ARHGAP8: variants seen among roughly 807,000 people sequenced by gnomAD.
The protein encoded by ARHGAP8 is rho GTPase-activating protein 8.
A neutral mutation model predicts 46.1 loss-of-function variants in ARHGAP8; 62 were observed. The ratio of observed to expected loss-of-function variants is 1.34; its 90% CI spans 1.10 to 1.66. ARHGAP8 has a LOEUF of 1.66. Among genes scored for constraint, ARHGAP8 ranks in the 40% most tolerant of loss-of-function variants. The probability of loss-of-function intolerance (pLI) is 0.00; values close to 1 mark genes in which losing one functional copy is unlikely to be tolerated. For synonymous variants in ARHGAP8, 375 were observed against 243.1 expected (o/e 1.54, Z -5.05); for missense variants, 923 against 568.4 (o/e 1.62, Z -6.34).
chr22:44,772,974 A>C (rs1926151922), intron 1 of ARHGAP8, among the ~76,000 whole-genome samples: 1 of 152,040 alleles, frequency 6.6e-6, no homozygotes, highest in Non-Finnish European at 1.5e-5. Context: ...GTGCACTACC[A>C]TGCCCAGCTA....
chr22:44,844,120 C>T (rs1469939871), intron 7 of ARHGAP8, among the ~76,000 whole-genome samples: 3 of 152,006 alleles, frequency 2.0e-5, no homozygotes, highest in Non-Finnish European at 4.4e-5. Context: ...TACAGGCATG[C>T]ATCACCACGC....
chr22:44,777,416 C>A (rs1035110994), intron 1 of ARHGAP8, among the ~76,000 whole-genome samples: 36 of 151,988 alleles, frequency 2.4e-4, no homozygotes, highest in African/African-American at 7.5e-4. Context: ...ATCTCATGAT[C>A]AGAATGTAGT....
At chr22:44,812,793 A>G (rs927926372) in intron 4 of ARHGAP8, among the ~76,000 whole-genome samples, 3 of 152,194 alleles carry the variant, frequency 2.0e-5, no homozygotes, top group Non-Finnish European at 2.9e-5. Flanking sequence ...ATGGCAGCCA[A>G]TGGTGGTCTG....
rs189815566 is a variant in ARHGAP8 at position 44,810,508 on chromosome 22, G to A, written c.299+2070G>A. ...GCCTGCCTTGGCCTCCCAAAGTGCC[G>A]GGATTACAGGCGTGAGCCACTGTGC... On this transcript the variant is annotated intron_variant, in intron 4 of 11. Coordinates refer to ENST00000356099, the MANE Select transcript of ARHGAP8 (RefSeq NM_181335.3). Among the ~76,000 whole-genome samples the A allele has an allele frequency of 5.9e-3, 904 of 152,296 alleles. 6 individuals are homozygous for A. The highest frequency in any genetic ancestry group is 0.021 in the African/African-American group (860 of 41,570).
Position 44,860,550 on chromosome 22 carries a change from C to CAATTT in ARHGAP8, c.981+718_981+719insTTTAA, listed in dbSNP as rs1555924051. On this transcript the variant is annotated intron_variant, in intron 11 of 11. Transcript: ENST00000356099. ...CGGGATGATCTCATCTTGAGATCCT[C>CAATTT]AACGACAGCTGCAACGGCCCTCGTT... is the stretch of plus-strand genomic sequence containing the variant. Among the ~76,000 whole-genome samples the CAATTT allele has an allele frequency of 2.6e-5, 4 of 151,624 alleles. No homozygotes were observed. In the South Asian group the frequency reaches 8.3e-4, roughly 32 times the overall value.
intron 2 of ARHGAP8, among the ~76,000 whole-genome samples, chr22:44,787,491 C>G (rs777830435): frequency 2.6e-5 from 4 of 152,094 alleles, no homozygotes; most frequent in Non-Finnish European, 5.9e-5. Context: ...ATTACAGGCG[C>G]TCACCCCCAC....
intron 2 of ARHGAP8, among the ~76,000 whole-genome samples, chr22:44,791,141 A>G (rs2147058359): frequency 6.6e-6 from 1 of 151,728 alleles, no homozygotes; most frequent in East Asian, 2.0e-4. Flanking sequence ...AAAGAAAACT[A>G]ATTGGAACAA....
intron 1 of ARHGAP8, among the ~76,000 whole-genome samples, chr22:44,772,468 G>C (rs1926110263): frequency 6.6e-6 from 1 of 150,534 alleles, no homozygotes; most frequent in South Asian, 2.1e-4. Context: ...GAGATTACAG[G>C]CATGAGCCAC....
chr22:44,793,644 G>C (rs1927869659), intron 2 of ARHGAP8, among the ~76,000 whole-genome samples: 1 of 152,204 alleles, frequency 6.6e-6, no homozygotes, highest in African/African-American at 2.4e-5. Context: ...CACGCACCCT[G>C]TGGGTAATGG....
chr22:44,818,695 C>T (rs1409180327), intron 5 of ARHGAP8, among the ~76,000 whole-genome samples: 2 of 145,998 alleles, frequency 1.4e-5, no homozygotes, highest in Non-Finnish European at 3.0e-5. Context: ...TTTCTTCCTT[C>T]CTTCCTTTTC....
chr22:44,815,438 ACT>A (rs1929668619), intron 5 of ARHGAP8, among the ~76,000 whole-genome samples: 1 of 150,734 alleles, frequency 6.6e-6, no homozygotes, highest in South Asian at 2.1e-4. Flanking sequence ...GTTGGCACAA[ACT>A]CTGTGGTGTT....
chr22:44,790,618 G>T (rs1185542482), intron 2 of ARHGAP8, among the ~76,000 whole-genome samples: 1 of 139,766 alleles, frequency 7.2e-6, no homozygotes, highest in Non-Finnish European at 1.5e-5. Flanking sequence ...CGAGGTTGCA[G>T]TGAGCCAAGA....
At chr22:44,780,666 TA>T (rs1926779826) in intron 1 of ARHGAP8, among the ~76,000 whole-genome samples, 1 of 151,340 alleles carries the variant, frequency 6.6e-6, no homozygotes, top group African/African-American at 2.5e-5. Context: ...CATCTCAAAA[TA>T]AAATAAAATA....
chr22:44,798,433 G>C (rs906657930), intron 2 of ARHGAP8, among the ~76,000 whole-genome samples: 1 of 152,038 alleles, frequency 6.6e-6, no homozygotes, highest in Non-Finnish European at 1.5e-5. Flanking sequence ...TGAAGCCTAC[G>C]CTAAATCCAG....
At chr22:44,860,881 G>A (rs1048162747) in intron 11 of ARHGAP8, among the ~76,000 whole-genome samples, 4 of 152,186 alleles carry the variant, frequency 2.6e-5, no homozygotes, top group African/African-American at 9.7e-5. Flanking sequence ...AGGAGAGCCT[G>A]AGCAGAGTAG....
intron 8 of ARHGAP8, among the ~76,000 whole-genome samples, chr22:44,846,640 C>T (rs1001387872): frequency 6.6e-6 from 1 of 152,188 alleles, no homozygotes; most frequent in African/African-American, 2.4e-5. Context: ...TTAGGTCCTG[C>T]TTTCCGGAAG....
At chr22:44,845,611 G>A (rs866989460) in intron 8 of ARHGAP8, among the ~76,000 whole-genome samples, 2 of 152,164 alleles carry the variant, frequency 1.3e-5, no homozygotes, top group African/African-American at 4.8e-5. Flanking sequence ...ATAACAAACC[G>A]TACATGACTT....
At position 44,763,799 on chromosome 22, in the gene ARHGAP8, TTTC is replaced by T. The variant is rs758752604; in HGVS notation, c.-72+11175_-72+11177del. ...TTGGTGAGAATGATTTTCTTTTTCT[TTTC>T]TTTTTTTTTTTTTTTTGAGACGGAG... On this transcript the variant is annotated intron_variant, in intron 1 of 11. Coordinates refer to ENST00000356099, the MANE Select transcript of ARHGAP8 (RefSeq NM_181335.3). Among the ~76,000 whole-genome samples, 105 of 109,486 alleles carry T rather than the reference TTTC, an allele frequency of 9.6e-4. 5 individuals carry two copies. Among genetic ancestry groups the T allele is most frequent in the African/African-American group, 1.5e-3 (47 of 30,752 alleles). The allele number at this position is 109,486 out of a possible 152,430, so 71.8% of individuals were successfully genotyped here.
At position 44,848,321 on chromosome 22, in the gene ARHGAP8, C is replaced by T. The variant is rs369690527; in HGVS notation, c.748+271C>T. 2.0e-5 allele frequency among the ~76,000 whole-genome samples: 3 copies of T among 151,738 alleles called. No individual in the cohort carries two copies. The South Asian group carries it at 6.2e-4, about 32-fold the overall frequency. On this transcript the variant is annotated intron_variant, in intron 9 of 11. Coordinates refer to ENST00000356099, the MANE Select transcript of ARHGAP8 (RefSeq NM_181335.3). ...GGGTCTCTCCATCCACACCACGTGG[C>T]ACGTGCTTTCAGGAGACACCCTGCA...
Sources: allele counts gnomAD v4.1 joint callset (sites outside exome capture counted in the v4.1 genomes callset), GRCh38; gene constraint gnomAD v4.1.1; transcripts MANE v1.5; gene names NCBI Gene and HGNC (gene_info 2026-07-23, HGNC 2026-07-21).